The following CARMIL1 variants were observed in gnomAD, a reference collection of about 807,000 sequenced individuals.
CARMIL1 encodes the protein F-actin-uncapping protein LRRC16A.
Under a neutral mutation model 177.1 loss-of-function variants are expected in CARMIL1, and 90 were observed. The observed-to-expected ratio is 0.51, with a 90% confidence interval of 0.43 to 0.61. CARMIL1 has a LOEUF of 0.61. Among genes scored for constraint, CARMIL1 ranks in the 20% least tolerant of loss-of-function variants. CARMIL1 has a pLI of 0.00. For synonymous variants in CARMIL1, 577 were observed against 606.2 expected (o/e 0.95, Z 0.71); for missense variants, 1,380 against 1,667.0 (o/e 0.83, Z 3.00).
intron 2 of CARMIL1, among the ~76,000 whole-genome samples, chr6:25,356,941 G>A (rs764023087): frequency 7.9e-5 from 12 of 152,132 alleles, no homozygotes; most frequent in Non-Finnish European, 1.8e-4. Flanking sequence ...ACCCTTAAAC[G>A]GCAGCCTTTT....
Position 25,479,165 on chromosome 6 carries a change from T to C in CARMIL1, c.875-3092T>C, listed in dbSNP as rs1234017234. On this transcript the variant is annotated intron_variant, in intron 11 of 36. Transcript: ENST00000329474. Reference sequence around the variant, plus strand: ...CCCACCGTTCTCCAGACTTACCTTGTGGTTTGCCCCAGTGATTACCAGCCC... The same window carrying C: ...CCCACCGTTCTCCAGACTTACCTTGCGGTTTGCCCCAGTGATTACCAGCCC... The C allele has an allele frequency of 3.9e-6, 2 of 519,046 alleles. 1 individual carries two copies. The highest frequency in any genetic ancestry group is 2.8e-5 in the South Asian group (2 of 71,594). The allele number at this position is 519,046 out of a possible 1,614,324, so 32.2% of individuals were successfully genotyped here.
chr6:25,604,564 A>C (rs1247292416), intron 33 of CARMIL1, among the ~76,000 whole-genome samples: 2 of 152,122 alleles, frequency 1.3e-5, no homozygotes, highest in African/African-American at 2.4e-5. Flanking sequence ...ACCTGTGAGG[A>C]GCCTTCCGAG....
At chr6:25,485,583 T>C (rs1022746906) in intron 12 of CARMIL1, among the ~76,000 whole-genome samples, 1 of 151,908 alleles carries the variant, frequency 6.6e-6, no homozygotes, top group Non-Finnish European at 1.5e-5. Flanking sequence ...TACAGGCATG[T>C]GCCACCACGC....
intron 2 of CARMIL1, among the ~76,000 whole-genome samples, chr6:25,323,172 G>A (rs1197107329): frequency 6.6e-6 from 1 of 151,912 alleles, no homozygotes; most frequent in Non-Finnish European, 1.5e-5. Context: ...CTGCTTGGTA[G>A]GTGGGGTTTT....
In CARMIL1 at chr6:25,554,631, T is replaced by C. The variant is rs1810441608; in HGVS notation, c.2592+535T>C. 6.6e-6 allele frequency among the ~76,000 whole-genome samples: 1 copy of C among 152,234 alleles called. No individual in the cohort carries two copies. The highest frequency in any genetic ancestry group is 2.1e-4 in the South Asian group (1 of 4,818). On this transcript the variant is annotated intron_variant, in intron 28 of 36. Transcript: ENST00000329474. This position sits in a 1 kb window ranked among gnomAD's most constrained non-coding sequence, Gnocchi z 4.6. Reference sequence around the variant, plus strand: ...CTGGTTCTGCCTCAAGGTAGGGGATTTTACTTCCAATATCAGTGCATATGA... The same window carrying C: ...CTGGTTCTGCCTCAAGGTAGGGGATCTTACTTCCAATATCAGTGCATATGA...
At chr6:25,405,476 C>T (rs1794278790) in intron 2 of CARMIL1, among the ~76,000 whole-genome samples, 1 of 152,208 alleles carries the variant, frequency 6.6e-6, no homozygotes. Flanking sequence ...TCCAGAAAGA[C>T]ATCAGATACC....
At chr6:25,471,485 A>G (rs759701715) in intron 10 of CARMIL1, among the ~76,000 whole-genome samples, 7 of 152,188 alleles carry the variant, frequency 4.6e-5, no homozygotes, top group South Asian at 2.1e-4. Flanking sequence ...AGTACATAGT[A>G]TAGTTTTTAA....
At chr6:25,423,763 G>T (rs1796060367) in intron 3 of CARMIL1, among the ~76,000 whole-genome samples, 1 of 152,108 alleles carries the variant, frequency 6.6e-6, no homozygotes, top group Admixed American at 6.5e-5. Context: ...TTGACAGTCT[G>T]GGTTAAGTTT....
At chr6:25,581,508 C>T (rs1182646316) in intron 31 of CARMIL1, 69 bp downstream of exon 31, 1 of 1,401,398 alleles carries the variant, frequency 7.1e-7, no homozygotes, top group South Asian at 1.4e-5. Flanking sequence ...GTTGGAGGGT[C>T]TTGCTAAAGT....
At chr6:25,310,585 G>A (rs1479856981) in intron 2 of CARMIL1, among the ~76,000 whole-genome samples, 1 of 152,062 alleles carries the variant, frequency 6.6e-6, no homozygotes, top group African/African-American at 2.4e-5. Flanking sequence ...TCTATATTCC[G>A]GGTTGCAATC....
At chr6:25,593,123 A>G (rs541146981) in intron 31 of CARMIL1, among the ~76,000 whole-genome samples, 4 of 152,236 alleles carry the variant, frequency 2.6e-5, no homozygotes, top group African/African-American at 9.6e-5. Context: ...CAAATATGAT[A>G]TTTGTAACGT....
At chr6:25,539,618 T>A in intron 25 of CARMIL1, among the ~76,000 whole-genome samples, 1 of 76,458 alleles carries the variant, frequency 1.3e-5, no homozygotes, top group Non-Finnish European at 2.2e-5. Context: ...AGAGCGAAAC[T>A]CCATCTCAAA....
chr6:25,428,582 A>T (rs1440133847), intron 4 of CARMIL1, among the ~76,000 whole-genome samples: 1 of 152,196 alleles, frequency 6.6e-6, no homozygotes, highest in Non-Finnish European at 1.5e-5. Context: ...ATTTTGGCTG[A>T]TATTACAATG....
At chr6:25,493,722 A>G (rs760441903) in intron 15 of CARMIL1, among the ~76,000 whole-genome samples, 17 of 152,200 alleles carry the variant, frequency 1.1e-4, no homozygotes, top group Non-Finnish European at 2.2e-4. Flanking sequence ...TAGAGGGATG[A>G]AGCATCATCC....
At chr6:25,364,126 G>A (rs1789518650) in intron 2 of CARMIL1, among the ~76,000 whole-genome samples, 1 of 151,956 alleles carries the variant, frequency 6.6e-6, no homozygotes, top group African/African-American at 2.4e-5. Context: ...AAAAAAATGT[G>A]TAGAGATGGG....
intron 2 of CARMIL1, among the ~76,000 whole-genome samples, chr6:25,329,425 G>A (rs1278670671): frequency 6.6e-6 from 1 of 152,118 alleles, no homozygotes; most frequent in African/African-American, 2.4e-5. Context: ...CAAGGCTGTC[G>A]TTTTTTCCAC....
At chr6:25,589,497 A>G (rs893871131) in intron 31 of CARMIL1, among the ~76,000 whole-genome samples, 2 of 152,008 alleles carry the variant, frequency 1.3e-5, no homozygotes, top group African/African-American at 4.8e-5. Context: ...CCTTTTATTT[A>G]TTTATTTTTG....
intron 31 of CARMIL1, among the ~76,000 whole-genome samples, chr6:25,591,283 C>G (rs939979592): frequency 6.6e-6 from 1 of 152,214 alleles, no homozygotes; most frequent in African/African-American, 2.4e-5. Context: ...CTTTAGTCCT[C>G]ACGATCACCA....
At chr6:25,448,734 G>A (rs1015191938) in intron 5 of CARMIL1, among the ~76,000 whole-genome samples, 1 of 152,176 alleles carries the variant, frequency 6.6e-6, no homozygotes, top group Non-Finnish European at 1.5e-5. Context: ...GGCAGCATCT[G>A]TGTTTAATCA....
Sources: gnomAD v4.1 joint callset for allele counts (sites outside exome capture counted in the v4.1 genomes callset) on GRCh38, gnomAD v4.1.1 for gene constraint, Gnocchi (gnomAD v3.1) non-coding constraint, MANE v1.5 for transcripts, NCBI Gene and HGNC (gene_info 2026-07-23, HGNC 2026-07-21) for gene names.